The following DNAI7 variants were observed in gnomAD, a reference collection of about 807,000 sequenced individuals.
DNAI7 encodes cancer susceptibility 1.
Under a neutral mutation model 86.6 loss-of-function variants are expected in DNAI7, and 78 were observed. That is an observed-to-expected ratio of 0.90 (90% CI 0.75 to 1.09). The LOEUF is 1.09. Ranked by LOEUF, DNAI7 falls within the 50% of genes least tolerant of loss-of-function variation. The probability of loss-of-function intolerance (pLI) is 0.00; values close to 1 mark genes in which losing one functional copy is unlikely to be tolerated. For synonymous variants in DNAI7, 274 were observed against 273.0 expected (o/e 1.00, Z -0.04); for missense variants, 753 against 810.2 (o/e 0.93, Z 0.86).
rs1943483165 is a variant in DNAI7, at chr12:25,135,841, C to T, written c.1002+8524G>A. On this transcript the variant is annotated intron_variant, in intron 9 of 15. Transcript: ENST00000395987. ...GCATACCCCCATCCCCTAGAGCAGC[C>T]GCAGCAACCCCCGCCCAAGGAGAGT... Among the ~76,000 whole-genome samples, 3 of 151,878 alleles carry T rather than the reference C, an allele frequency of 2.0e-5. No homozygotes were observed. The South Asian group carries it at 6.3e-4, about 32-fold the overall frequency.
chr12:25,167,941 G>C (rs1477562843), intron 2 of DNAI7, among the ~76,000 whole-genome samples: 1 of 152,030 alleles, frequency 6.6e-6, no homozygotes, highest in Non-Finnish European at 1.5e-5. Context: ...CCTTCTCGAT[G>C]TTCCTTTACT....
chr12:25,189,660 A>C (rs1308864494), intron 2 of DNAI7, among the ~76,000 whole-genome samples: 2 of 152,136 alleles, frequency 1.3e-5, no homozygotes, highest in Non-Finnish European at 2.9e-5. Context: ...AAAACAAAAC[A>C]AAACCAAGAA....
intron 9 of DNAI7, among the ~76,000 whole-genome samples, chr12:25,126,565 G>T (rs528026685): frequency 1.3e-5 from 2 of 152,168 alleles, no homozygotes; most frequent in South Asian, 4.2e-4. Flanking sequence ...GAGAGGCTAC[G>T]GCTGATGTTC....
intron 12 of DNAI7, 114 bp downstream of exon 12, chr12:25,119,031 T>C (rs940996909): frequency 8.7e-6 from 7 of 808,524 alleles, no homozygotes; most frequent in Non-Finnish European, 1.3e-5. Context: ...GACCCTTGAA[T>C]TGGCATAGAA....
At chr12:25,117,537 T>C (rs1388265181) in intron 12 of DNAI7, among the ~76,000 whole-genome samples, 1 of 152,124 alleles carries the variant, frequency 6.6e-6, no homozygotes, top group Non-Finnish European at 1.5e-5. Context: ...ACTCCTCTCA[T>C]CTAGGATCCT....
chr12:25,161,432 G>C (rs1408942164), intron 2 of DNAI7, among the ~76,000 whole-genome samples: 1 of 152,222 alleles, frequency 6.6e-6, no homozygotes, highest in Non-Finnish European at 1.5e-5. Flanking sequence ...AAGGGTGACA[G>C]TGGCAAGTAC....
intron 2 of DNAI7, among the ~76,000 whole-genome samples, chr12:25,164,109 C>G (rs747905681): frequency 4.6e-5 from 7 of 152,160 alleles, no homozygotes; most frequent in Non-Finnish European, 7.4e-5. Context: ...CAAGAAACCC[C>G]CAACCCCTTC....
At chr12:25,175,085 C>A (rs897266098) in intron 2 of DNAI7, among the ~76,000 whole-genome samples, 1 of 151,874 alleles carries the variant, frequency 6.6e-6, no homozygotes, top group African/African-American at 2.4e-5. Context: ...TAACCAAATA[C>A]CACCTGTACC....
At chr12:25,158,128 C>T (rs930429329) in intron 4 of DNAI7, among the ~76,000 whole-genome samples, 4 of 152,012 alleles carry the variant, frequency 2.6e-5, no homozygotes, top group African/African-American at 9.7e-5. Flanking sequence ...ACTCGGAAGG[C>T]TGAGGCAGGA....
At chr12:25,181,346 C>T (rs574074171) in intron 2 of DNAI7, among the ~76,000 whole-genome samples, 4 of 152,026 alleles carry the variant, frequency 2.6e-5, no homozygotes, top group East Asian at 3.9e-4. Flanking sequence ...CTTGAACTCC[C>T]GGCCTCAAGC....
intron 9 of DNAI7, among the ~76,000 whole-genome samples, chr12:25,124,746 T>C (rs1169351270): frequency 6.6e-6 from 1 of 152,170 alleles, no homozygotes; most frequent in Non-Finnish European, 1.5e-5. Flanking sequence ...ACCCAATAGT[T>C]ATTTTTCTGC....
intron 2 of DNAI7, among the ~76,000 whole-genome samples, chr12:25,162,786 A>G (rs1946979407): frequency 6.6e-6 from 1 of 152,218 alleles, no homozygotes; most frequent in South Asian, 2.1e-4. Flanking sequence ...CTCTTCCTCT[A>G]AAAAGCTCAG....
At chr12:25,109,643 C>T (rs1949625618) in intron 15 of DNAI7, among the ~76,000 whole-genome samples, 1 of 152,026 alleles carries the variant, frequency 6.6e-6, no homozygotes, top group African/African-American at 2.4e-5. Flanking sequence ...AAGGCATAAA[C>T]TTTATATAAT....
intron 1 of DNAI7, among the ~76,000 whole-genome samples, chr12:25,192,000 A>G (rs1390573409): frequency 6.6e-6 from 1 of 152,220 alleles, no homozygotes; most frequent in African/African-American, 2.4e-5. Flanking sequence ...ACTGTGTAAA[A>G]CTGAAGTTTA....
chr12:25,124,303 A>G (rs1565655542), intron 9 of DNAI7, among the ~76,000 whole-genome samples: 1 of 151,910 alleles, frequency 6.6e-6, no homozygotes, highest in Non-Finnish European at 1.5e-5. Flanking sequence ...ACACTATTAC[A>G]TTCTCTGCAA....
rs1435495467 is a variant in DNAI7 at position 25,110,183 on chromosome 12, C to T, written c.1837G>A (p.Ala613Thr). The change falls in exon 15 of 16, where the codon GCA becomes ACA. Residue 613 changes from alanine to threonine, a missense_variant. Physicochemically the swap from Ala to Thr is moderately conservative, Grantham distance 58. Coordinates refer to ENST00000395987, the MANE Select transcript of DNAI7 (RefSeq NM_018272.5). ...AGGTTCCACTTGCTCCAACCAAATG[C>T]AAAAGCAGAACTTAGTAGGGCCATC... ...RQMALLSSAF[A>T]FGWSKWNLLC... is the part of the protein sequence containing the mutation. The T allele has an allele frequency of 2.5e-6, 4 of 1,613,088 alleles. No homozygotes were observed. In the African/African-American group the frequency reaches 5.3e-5, roughly 22 times the overall value.
chr12:25,110,285 C>T (rs1414320081), intron 14 of DNAI7, 45 bp from the exon 15 acceptor site: 1 of 1,113,202 alleles, frequency 9.0e-7, no homozygotes, highest in South Asian at 1.3e-5. Context: ...AGCCTCCCAA[C>T]AAGTCTTCCT....
chr12:25,165,651 AC>A (rs1439689759), intron 2 of DNAI7, among the ~76,000 whole-genome samples: 3 of 151,196 alleles, frequency 2.0e-5, no homozygotes, highest in Non-Finnish European at 4.5e-5. Flanking sequence ...TCGGAAGCCT[AC>A]GGGACCATCA....
intron 2 of DNAI7, among the ~76,000 whole-genome samples, 155 bp downstream of exon 2, chr12:25,190,459 T>C (rs1243337682): frequency 6.6e-6 from 1 of 152,184 alleles, no homozygotes; most frequent in East Asian, 1.9e-4. Context: ...TTGTAAAGGA[T>C]TATTCCATGA....
Sources: gnomAD v4.1 joint callset for allele counts (sites outside exome capture counted in the v4.1 genomes callset) on GRCh38, gnomAD v4.1.1 for gene constraint, MANE v1.5 for transcripts, NCBI Gene and HGNC (gene_info 2026-07-23, HGNC 2026-07-21) for gene names.